ARFGEF3: variants seen among roughly 807,000 people sequenced by gnomAD.
ARFGEF3 encodes ARFGEF family member 3, also known as brefeldin A-inhibited guanine nucleotide-exchange protein 3.
In ARFGEF3, 96 loss-of-function variants were observed where a neutral mutation model predicts 221.7. The ratio of observed to expected loss-of-function variants is 0.43; its 90% CI spans 0.37 to 0.51. ARFGEF3 has a LOEUF of 0.51. ARFGEF3 is among the 20% of genes least tolerant of loss of function. ARFGEF3 has a pLI of 0.00. For synonymous variants in ARFGEF3, 1,145 were observed against 1,126.8 expected, an observed-to-expected ratio of 1.02 and a Z score of -0.32; for missense variants, 2,410 against 2,789.9, an observed-to-expected ratio of 0.86 and a Z score of 3.07.
intron 2 of ARFGEF3, among the ~76,000 whole-genome samples, chr6:138,205,353 A>G (rs1777608054): frequency 6.6e-6 from 1 of 152,146 alleles, no homozygotes; most frequent in African/African-American, 2.4e-5. Flanking sequence ...ATCTGACTCC[A>G]ACTTCAAGTG....
Position 138,254,296 on chromosome 6 carries a change from G to A in ARFGEF3, c.770+312G>A, listed in dbSNP as rs192606080. ...CTGGGCATGGCAGTTGTGGGCACCT[G>A]TAATCCCAGCTTCTTGGAAGGCAGA... On this transcript the variant is annotated intron_variant, in intron 9 of 33. Coordinates refer to ENST00000251691, the MANE Select transcript of ARFGEF3 (RefSeq NM_020340.5). 3.7e-3 allele frequency among the ~76,000 whole-genome samples: 556 copies of A among 151,644 alleles called. 3 individuals carry two copies. The highest frequency in any genetic ancestry group is 0.013 in the African/African-American group (520 of 41,312).
intron 1 of ARFGEF3, among the ~76,000 whole-genome samples, chr6:138,167,014 C>T (rs571331182): frequency 6.6e-6 from 1 of 152,288 alleles, no homozygotes; most frequent in East Asian, 1.9e-4. Flanking sequence ...ATCATCCCAC[C>T]AACTCACAGT....
At chr6:138,294,154 G>T (rs755563682) in intron 20 of ARFGEF3, 28 bp downstream of exon 20, 2 of 1,608,882 alleles carry the variant, frequency 1.2e-6, no homozygotes, top group African/African-American at 1.3e-5. Flanking sequence ...TAAACCATAT[G>T]CCAGGAAGTT....
chr6:138,247,491 G>A (rs559693311), intron 8 of ARFGEF3, among the ~76,000 whole-genome samples: 13 of 152,218 alleles, frequency 8.5e-5, no homozygotes, highest in South Asian at 8.3e-4. Flanking sequence ...CCTCATCCCC[G>A]TCCAGTTCCC....
At position 138,255,701 on chromosome 6, in the gene ARFGEF3, C is replaced by T. The variant is rs770327382; in HGVS notation, c.1036C>T (p.Leu346Phe). The T allele has an allele frequency of 2.5e-6, 4 of 1,612,198 alleles. No homozygotes were observed. Among genetic ancestry groups the T allele is most frequent in the Non-Finnish European group, 2.5e-6 (3 of 1,178,930 alleles). The change falls in exon 10 of 34, where the codon CTC becomes TTC. Residue 346 changes from leucine (L) to phenylalanine (F), a missense_variant. By Grantham distance (22) the Leu-to-Phe change is conservative. Transcript: ENST00000251691. ...CTCCATGAAGCCCGTGCTCCAGTCC[C>T]TCTACCACCGAGTGCTGCTCTACCC... ...VDSMKPVLQS[L>F]YHRVLLYPPP...
chr6:138,291,939 A>G lies in ARFGEF3; in HGVS notation c.3254A>G (p.Gln1085Arg). The change falls in exon 19 of 34, where the codon CAG becomes CGG. Residue 1085 changes from glutamine to arginine, a missense_variant. This residue lies in a region of ARFGEF3 where 184 missense variants were observed against 141.8 expected (regional missense o/e 1.30). Coordinates refer to ENST00000251691, the MANE Select transcript of ARFGEF3 (RefSeq NM_020340.5). This position sits in a 1 kb window ranked among gnomAD's most constrained non-coding sequence, Gnocchi z 4.5. Reference protein sequence around the residue: ...TAPVVQPLSIQDLVREGSRGR... With the variant: ...TAPVVQPLSIRDLVREGSRGR... ...CCTGTCGTCCAGCCCCTGTCCATCC[A>G]GGACCTCGTCCGGGAAGGCAGCCGG... 3 of 1,522,450 alleles carry G rather than the reference A, an allele frequency of 2.0e-6. No homozygotes were observed. Among genetic ancestry groups the G allele is most frequent in the South Asian group, 1.2e-5 (1 of 80,324 alleles). 94.3% of individuals were successfully genotyped at this position (1,522,450 alleles called of 1,614,324 possible). A position where few individuals can be genotyped will look rare whatever the true frequency, so the allele number is the denominator to read the frequency against.
At chr6:138,260,275 A>AAAAATATGG (rs1185587674) in intron 10 of ARFGEF3, among the ~76,000 whole-genome samples, 2 of 152,222 alleles carry the variant, frequency 1.3e-5, no homozygotes, top group Non-Finnish European at 2.9e-5. Flanking sequence ...TGGAAAGAGG[A>AAAAATATGG]AAAGAGGAGA....
intron 10 of ARFGEF3, 89 bp downstream of exon 10, chr6:138,255,858 A>G (rs892603700): frequency 1.5e-5 from 17 of 1,155,058 alleles, no homozygotes; most frequent in Non-Finnish European, 8.3e-6. Context: ...AGGCTTGCCA[A>G]TCACTTGCCG....
At chr6:138,286,996 C>T in intron 16 of ARFGEF3, 78 bp from the exon 17 acceptor site, 1 of 1,572,878 alleles carries the variant, frequency 6.4e-7, no homozygotes, top group Non-Finnish European at 8.7e-7. Flanking sequence ...GGCAGGGGGA[C>T]CCTTTAGAAG....
intron 30 of ARFGEF3, 66 bp downstream of exon 30, chr6:138,323,839 C>A: frequency 6.4e-7 from 1 of 1,564,842 alleles, no homozygotes; most frequent in Non-Finnish European, 8.8e-7. Flanking sequence ...GATCCCTTAC[C>A]ATGTTGGGCA....
intron 19 of ARFGEF3, among the ~76,000 whole-genome samples, chr6:138,293,431 T>A (rs1000082163): frequency 2.0e-5 from 3 of 152,208 alleles, no homozygotes; most frequent in Admixed American, 2.0e-4. Context: ...AGACCCATCA[T>A]ATTGGGGAAC....
intron 23 of ARFGEF3, 24 bp downstream of exon 23, chr6:138,307,421 G>A: frequency 5.6e-6 from 9 of 1,605,032 alleles, no homozygotes; most frequent in Non-Finnish European, 7.7e-6. Context: ...GATGATTCTT[G>A]CTATTCAGCA....
At chr6:138,289,768 C>G in intron 17 of ARFGEF3, 50 bp from the exon 18 acceptor site, 1 of 1,565,652 alleles carries the variant, frequency 6.4e-7, no homozygotes, top group Non-Finnish European at 8.7e-7. Context: ...TTCATTCTTT[C>G]TGTCTCCCTT....
chr6:138,278,373 G>A, intron 12 of ARFGEF3, 78 bp from the exon 13 acceptor site: 1 of 1,305,966 alleles, frequency 7.7e-7, no homozygotes, highest in Non-Finnish European at 1.1e-6. Context: ...TCTCACGATG[G>A]GTTCGCAGCT....
At chr6:138,275,782 C>T (rs890518751) in intron 12 of ARFGEF3, among the ~76,000 whole-genome samples, 1 of 151,842 alleles carries the variant, frequency 6.6e-6, no homozygotes, top group African/African-American at 2.4e-5. Context: ...GACAACATCA[C>T]TGGATAAACA....
In ARFGEF3 at chr6:138,335,090, G is replaced by A. The variant is rs749381115; in HGVS notation, c.6244G>A (p.Ala2082Thr). The change falls in exon 33 of 34, where the codon GCA becomes ACA. Residue 2082 changes from alanine to threonine, a missense_variant. By Grantham distance (58) the Ala-to-Thr change is moderately conservative. This residue lies in a region of ARFGEF3 where 339 missense variants were observed against 334.9 expected (regional missense o/e 1.01). Transcript: ENST00000251691. ...AGGGCAAATGCGGCATTCCTTCAGC[G>A]CAGGCCCCGAGCTGCTGCGACAGGA... Reference protein sequence around the residue: ...DQGQMRHSFSAGPELLRQDKR... With the variant: ...DQGQMRHSFSTGPELLRQDKR... 1.2e-6 allele frequency: 2 copies of A among 1,600,368 alleles called. No individual in the cohort carries two copies. The highest frequency in any genetic ancestry group is 1.1e-5 in the South Asian group (1 of 88,090).
rs1276728126 is a variant in ARFGEF3 at position 138,343,537 on chromosome 6, T to A, written c.*7051T>A. The A allele has an allele frequency of 3.3e-5, 5 of 152,184 alleles. No individual in the cohort carries two copies. Among genetic ancestry groups the A allele is most frequent in the Admixed American group, 2.6e-4 (4 of 15,276 alleles). The allele number at this position is 152,184 out of a possible 1,614,324, so 9.4% of individuals were successfully genotyped here. ...GTGCATTTAGTTCTTTTAGTAACAC[T>A]GATTTTAAAATTAAATTTCAAAAGT... On this transcript the variant is annotated 3_prime_UTR_variant, in exon 34 of 34. Transcript: ENST00000251691.
At chr6:138,231,392 C>G (rs566955928) in intron 5 of ARFGEF3, among the ~76,000 whole-genome samples, 1 of 152,158 alleles carries the variant, frequency 6.6e-6, no homozygotes, top group Admixed American at 6.5e-5. Context: ...GAAAAATGGG[C>G]TCTGGAGTCA....
intron 2 of ARFGEF3, among the ~76,000 whole-genome samples, chr6:138,202,377 A>C (rs1777552959): frequency 6.6e-6 from 1 of 152,202 alleles, no homozygotes; most frequent in South Asian, 2.1e-4. Flanking sequence ...TTTTAGAAAA[A>C]AAATGAAGGT....
Sources: allele counts gnomAD v4.1 joint callset (sites outside exome capture counted in the v4.1 genomes callset), GRCh38; gene constraint gnomAD v4.1.1; regional missense constraint gnomAD v4.1.1; non-coding constraint Gnocchi (gnomAD v3.1); transcripts MANE v1.5; gene names NCBI Gene and HGNC (gene_info 2026-07-23, HGNC 2026-07-21).